DGCR2: variants seen among roughly 807,000 people sequenced by gnomAD.
DGCR2 encodes the protein integral membrane protein DGCR2/IDD.
Under a neutral mutation model 51.6 loss-of-function variants are expected in DGCR2, and 24 were observed. The observed-to-expected ratio is 0.47, with a 90% CI of 0.34 to 0.65. The LOEUF (loss-of-function observed/expected upper bound fraction) is 0.65. DGCR2 is among the 30% of genes least tolerant of loss of function. DGCR2 has a pLI of 0.01. For synonymous variants in DGCR2, 340 were observed against 315.4 expected (o/e 1.08, Z -0.82); for missense variants, 765 against 772.1 (o/e 0.99, Z 0.11).
At chr22:19,051,717 C>A (rs951996248) in intron 6 of DGCR2, among the ~76,000 whole-genome samples, 4 of 152,140 alleles carry the variant, frequency 2.6e-5, no homozygotes, top group Non-Finnish European at 5.9e-5. Context: ...CAGAGCAAGA[C>A]CCTTTCTCAA....
At chr22:19,086,452 C>G (rs568156877) in intron 2 of DGCR2, among the ~76,000 whole-genome samples, 8 of 152,200 alleles carry the variant, frequency 5.3e-5, no homozygotes, top group Admixed American at 3.9e-4. Context: ...GCACTCCAGC[C>G]TGGGCAACAA....
Position 19,068,107 on chromosome 22 carries a change from G to A in DGCR2, c.321C>T (p.Arg107=), listed in dbSNP as rs1385890843. 7 of 1,584,040 alleles carry A rather than the reference G, an allele frequency of 4.4e-6. No homozygotes were observed. The highest frequency in any genetic ancestry group is 6.0e-6 in the Non-Finnish European group (7 of 1,166,898). ...FHAVNVAQPV[R]FSSFLGKCPT... The stretch of plus-strand genomic sequence containing the variant: ...GGCAGGTCTGCAACTTACTGCTGAA[G>A]CGAACGGGCTGCGCCACGTTCACCG... The change falls in exon 3 of 10, where the codon CGC becomes CGT. Residue 107 remains arginine, a synonymous_variant. Transcript: ENST00000263196.
At chr22:19,062,775 G>GCGCGCTCTCTCT (rs1555903875) in intron 5 of DGCR2, among the ~76,000 whole-genome samples, 1 of 108,860 alleles carries the variant, frequency 9.2e-6, no homozygotes, top group Non-Finnish European at 1.9e-5. Flanking sequence ...ACACATGCAT[G>GCGCGCTCTCTCT]CTCACTCTCT....
At position 19,057,781 on chromosome 22, in the gene DGCR2, G is replaced by C. The variant is rs534165162; in HGVS notation, c.626-619C>G. 2.0e-5 allele frequency among the ~76,000 whole-genome samples: 3 copies of C among 152,304 alleles called. No individual in the cohort carries two copies. Among genetic ancestry groups the C allele is most frequent in the Admixed American group, 2.0e-4 (3 of 15,294 alleles). ...TCCTGCCTAAGCCAGGCACAAGGCA[G>C]TCAGAAACCGTGTACCCCTGCCGCA... On this transcript the variant is annotated intron_variant, in intron 5 of 9. Transcript: ENST00000263196. This position sits in a 1 kb window ranked among gnomAD's most constrained non-coding sequence, Gnocchi z 5.1.
chr22:19,098,636 G>A (rs1333072603), intron 1 of DGCR2, among the ~76,000 whole-genome samples: 1 of 152,196 alleles, frequency 6.6e-6, no homozygotes, highest in Non-Finnish European at 1.5e-5. Flanking sequence ...CACCCAGGCT[G>A]GAATGCAGCG....
chr22:19,062,779 A>ATTCATTTTCTCTCT, intron 5 of DGCR2, among the ~76,000 whole-genome samples: 1 of 127,354 alleles, frequency 7.9e-6, no homozygotes, highest in African/African-American at 2.7e-5. Context: ...ATGCATGCTC[A>ATTCATTTTCTCTCT]CTCTCTCTCT....
chr22:19,061,219 G>GTGGGCTGGGC (rs747613614), intron 5 of DGCR2: 1 of 174,508 alleles, frequency 5.7e-6, no homozygotes, highest in African/African-American at 2.4e-5. Flanking sequence ...AAAGGCTGGG[G>GTGGGCTGGGC]TGGGCTGGGC....
At chr22:19,082,429 G>A (rs7286284) in intron 2 of DGCR2, among the ~76,000 whole-genome samples, 24,381 of 151,672 alleles carry the variant, frequency 0.16, 2,190 homozygotes, top group South Asian at 0.28. Flanking sequence ...TTATTTTAGA[G>A]TGAATATTTT....
chr22:19,063,568 C>G (rs1483545934), intron 4 of DGCR2, among the ~76,000 whole-genome samples: 1 of 148,908 alleles, frequency 6.7e-6, no homozygotes, highest in African/African-American at 2.5e-5. Flanking sequence ...CCAGGATGGT[C>G]TCGATCTCCT....
chr22:19,075,822 T>G (rs2145987474), intron 2 of DGCR2, among the ~76,000 whole-genome samples: 1 of 152,248 alleles, frequency 6.6e-6, no homozygotes, highest in East Asian at 1.9e-4. Context: ...TGTTGATCCA[T>G]TCATCTGTGA....
chr22:19,076,217 GTGGCA>G (rs1268990806), intron 2 of DGCR2, among the ~76,000 whole-genome samples: 1 of 152,210 alleles, frequency 6.6e-6, no homozygotes, highest in Non-Finnish European at 1.5e-5. Context: ...CTGGAGTGCA[GTGGCA>G]TGATCTCAGC....
At chr22:19,062,088 A>G (rs79425165) in intron 5 of DGCR2, among the ~76,000 whole-genome samples, 2,493 of 152,268 alleles carry the variant, frequency 0.016, 88 homozygotes, top group East Asian at 0.061. Flanking sequence ...AGCTACCAGG[A>G]TAATTATGCT....
intron 5 of DGCR2, among the ~76,000 whole-genome samples, chr22:19,059,240 G>A (rs999284342): frequency 7.2e-5 from 11 of 152,166 alleles, no homozygotes; most frequent in African/African-American, 2.4e-4. Flanking sequence ...TGTGAGGAGC[G>A]GTGGGGCTGG....
At chr22:19,071,862 A>G (rs1018583675) in intron 2 of DGCR2, among the ~76,000 whole-genome samples, 4 of 152,312 alleles carry the variant, frequency 2.6e-5, no homozygotes, top group African/African-American at 7.2e-5. Context: ...GAATATCATA[A>G]TATCTGTAAC....
At chr22:19,045,346 G>A (rs574912240) in intron 7 of DGCR2, 5 of 148,038 alleles carry the variant, frequency 3.4e-5, no homozygotes, top group African/African-American at 1.0e-4. Flanking sequence ...CCGTTCTCAC[G>A]ACTGCACTTG....
chr22:19,057,812 C>A lies in DGCR2; in HGVS notation c.626-650G>T, dbSNP rs1470424796. Reference sequence around the variant, plus strand: ...AACCGTGTACCCCTGCCGCAGAGAGCGTGAGGGTTGGGGACTGCTAACCTC... The same window carrying A: ...AACCGTGTACCCCTGCCGCAGAGAGAGTGAGGGTTGGGGACTGCTAACCTC... On this transcript the variant is annotated intron_variant, in intron 5 of 9. Transcript: ENST00000263196. This position sits in a 1 kb window ranked among gnomAD's most constrained non-coding sequence, Gnocchi z 5.1. Among the ~76,000 whole-genome samples, 1 of 152,202 alleles carries A rather than the reference C, an allele frequency of 6.6e-6. No homozygotes were observed. The highest frequency in any genetic ancestry group is 1.9e-4 in the East Asian group (1 of 5,142).
At chr22:19,115,923 T>C (rs1386737490) in intron 1 of DGCR2, among the ~76,000 whole-genome samples, 1 of 152,250 alleles carries the variant, frequency 6.6e-6, no homozygotes. Context: ...TCAGGGTTCC[T>C]GAACTCTATC....
chr22:19,067,621 G>A (rs2082763939), intron 3 of DGCR2, among the ~76,000 whole-genome samples: 1 of 152,070 alleles, frequency 6.6e-6, no homozygotes, highest in Non-Finnish European at 1.5e-5. Flanking sequence ...TAACCTGGAA[G>A]GCAGAGGTTT....
At chr22:19,121,600 C>A in intron 1 of DGCR2, 1 of 152,590 alleles carries the variant, frequency 6.6e-6, no homozygotes, top group Non-Finnish European at 1.5e-5. Flanking sequence ...GTCTCTGCTC[C>A]CGGGACGCTC....
Sources: gnomAD v4.1 joint callset for allele counts (sites outside exome capture counted in the v4.1 genomes callset) on GRCh38, gnomAD v4.1.1 for gene constraint, Gnocchi (gnomAD v3.1) non-coding constraint, MANE v1.5 for transcripts, NCBI Gene and HGNC (gene_info 2026-07-23, HGNC 2026-07-21) for gene names.